Variants in ARCN1 observed in about 807,000 individuals in gnomAD.
ARCN1 encodes coatomer subunit delta.
Under a neutral mutation model 60.4 loss-of-function variants are expected in ARCN1, and 5 were observed. That is an observed-to-expected ratio of 0.08 (90% confidence interval 0.04 to 0.17). The LOEUF is 0.17. Ranked by LOEUF, ARCN1 falls within the 10% of genes least tolerant of loss-of-function variation. ARCN1 has a pLI of 1.00. For synonymous variants in ARCN1, 224 were observed against 220.0 expected, an observed-to-expected ratio of 1.02 and a Z score of -0.16; for missense variants, 464 against 626.5, an observed-to-expected ratio of 0.74 and a Z score of 2.77.
In ARCN1 at chr11:118,590,524, A is replaced by G; in HGVS notation, c.984+18A>G. ...AGCTACAGGTGTGTAGAAGCTTTTG[A>G]TAGGGAGTATTAACACTTTGTCTAC... On this transcript the variant is annotated intron_variant, in intron 6 of 9. Transcript: ENST00000264028. 6.2e-7 allele frequency: 1 copy of G among 1,612,836 alleles called. No homozygotes were observed. Among genetic ancestry groups the G allele is most frequent in the Non-Finnish European group, 8.5e-7 (1 of 1,179,266 alleles).
Position 118,601,923 on chromosome 11 carries a change from T to C in ARCN1, c.*1209T>C, listed in dbSNP as rs1591394906. The C allele has an allele frequency of 3.1e-5, 18 of 584,040 alleles. No homozygotes were observed. The East Asian group carries it at 4.8e-4, about 16-fold the overall frequency. The allele number at this position is 584,040 out of a possible 1,614,324, so 36.2% of individuals were successfully genotyped here. ...TTCTCCACATTTTGGGTACTTAAGC[T>C]AAAACGTAATGGCCACAGTCTGTAA... On this transcript the variant is annotated 3_prime_UTR_variant, in exon 10 of 10. Coordinates refer to ENST00000264028, the MANE Select transcript of ARCN1 (RefSeq NM_001655.5).
chr11:118,591,715 C>G (rs1269320109), intron 6 of ARCN1, among the ~76,000 whole-genome samples: 2 of 149,962 alleles, frequency 1.3e-5, no homozygotes, highest in African/African-American at 4.9e-5. Flanking sequence ...TTGTTTTTGT[C>G]TTGTTTTTTT....
At chr11:118,583,156 T>C (rs1555074909) in intron 2 of ARCN1, 23 bp from the exon 3 acceptor site, 1 of 1,611,324 alleles carries the variant, frequency 6.2e-7, no homozygotes, top group East Asian at 2.2e-5. Context: ...AAATCTTTCT[T>C]TTTTATTGGT....
intron 5 of ARCN1, among the ~76,000 whole-genome samples, chr11:118,585,957 G>A (rs1211603639): frequency 3.9e-5 from 6 of 152,160 alleles, no homozygotes; most frequent in African/African-American, 9.7e-5. Flanking sequence ...TCACATATTC[G>A]TGACTCAGAT....
At chr11:118,593,897 T>C in intron 8 of ARCN1, 199 bp downstream of exon 8, 1 of 416,084 alleles carries the variant, frequency 2.4e-6, no homozygotes, top group South Asian at 3.1e-5. Flanking sequence ...GGTAATACTA[T>C]TGAATAAAAA....
intron 1 of ARCN1, among the ~76,000 whole-genome samples, chr11:118,575,706 G>A (rs1270405745): frequency 1.3e-5 from 2 of 152,174 alleles, no homozygotes; most frequent in African/African-American, 4.8e-5. Flanking sequence ...AAAGGAGAAG[G>A]TGACTATAAT....
At chr11:118,584,688 C>T (rs200062933) in intron 5 of ARCN1, 44 bp downstream of exon 5, 96 of 1,466,754 alleles carry the variant, frequency 6.5e-5, no homozygotes, top group Admixed American at 6.3e-4. Context: ...TGAATACAGT[C>T]CACATAATTT....
intron 8 of ARCN1, among the ~76,000 whole-genome samples, chr11:118,594,364 T>C (rs1220521283): frequency 6.6e-6 from 1 of 151,944 alleles, no homozygotes. Context: ...CCTCCCAAAG[T>C]GCTGGGATTA....
rs1555074624 is a variant in ARCN1, at chr11:118,581,467, C to T, written c.225C>T (p.Asn75=). ...YMVLITTKNS[N]ILEDLETLRL... is the part of the protein sequence containing the mutation. The stretch of plus-strand genomic sequence containing the variant: ...TACTGATCACTACCAAAAACAGCAA[C>T]ATTTTAGAAGATTTGGAGACCCTAA... The change falls in exon 2 of 10, where the codon AAC becomes AAT. Residue 75 remains asparagine, a synonymous_variant. Coordinates refer to ENST00000264028, the MANE Select transcript of ARCN1 (RefSeq NM_001655.5). 1 of 1,614,156 alleles carries T rather than the reference C, an allele frequency of 6.2e-7. No homozygotes were observed. Among genetic ancestry groups the T allele is most frequent in the Non-Finnish European group, 8.5e-7 (1 of 1,180,030 alleles).
chr11:118,576,018 T>TA (rs1473302236), intron 1 of ARCN1, among the ~76,000 whole-genome samples: 1 of 151,956 alleles, frequency 6.6e-6, no homozygotes, highest in Non-Finnish European at 1.5e-5. Flanking sequence ...TGCTTAGACT[T>TA]ACAGAACTTT....
chr11:118,583,791 G>A lies in ARCN1; in HGVS notation c.448-18G>A, dbSNP rs1555075016. 4 of 1,608,318 alleles carry A rather than the reference G, an allele frequency of 2.5e-6. No homozygotes were observed. The highest frequency in any genetic ancestry group is 3.4e-6 in the Non-Finnish European group (4 of 1,177,428). On this transcript the variant is annotated intron_variant, in intron 3 of 9. Coordinates refer to ENST00000264028, the MANE Select transcript of ARCN1 (RefSeq NM_001655.5). ...ACCCAAAAAAAAAAGCTACATTAAT[G>A]TATGTCTTTTTCTGTAGACTCAAGA...
chr11:118,578,886 T>C (rs993313944), intron 1 of ARCN1, among the ~76,000 whole-genome samples: 916 of 79,614 alleles, frequency 0.012, 17 homozygotes, highest in African/African-American at 0.028. Context: ...TTTTTTTTTT[T>C]TTTTTTTTTT....
At chr11:118,590,289 C>G in intron 5 of ARCN1, 52 bp from the exon 6 acceptor site, 1 of 1,528,824 alleles carries the variant, frequency 6.5e-7, no homozygotes, top group Non-Finnish European at 9.0e-7. Flanking sequence ...GCCACCACGC[C>G]CGGCCATTGG....
Position 118,584,537 on chromosome 11 carries a change from C to A in ARCN1, c.711C>A (p.Asn237Lys). Residue 237 changes from asparagine to lysine, a missense_variant, in exon 5 of 10, where the codon AAC becomes AAA. Physicochemically the swap from Asn to Lys is moderately conservative, Grantham distance 94 (BLOSUM62 0). Around this residue, in one of 2 missense-constraint regions of ARCN1, gnomAD observed 359 missense variants for 440.2 expected, o/e 0.82. Transcript: ENST00000264028. ...GAGCCAAAGGAAAGGAAGTAGATAA[C>A]TTTGTGGACAAATTAAAATCTGAAG... Reference protein sequence around the residue: ...KLGAKGKEVDNFVDKLKSEGE... With the variant: ...KLGAKGKEVDKFVDKLKSEGE... The A allele has an allele frequency of 6.2e-7, 1 of 1,613,966 alleles. No homozygotes were observed. The highest frequency in any genetic ancestry group is 8.5e-7 in the Non-Finnish European group (1 of 1,179,980).
rs1057476525 is a variant in ARCN1 at position 118,572,942 on chromosome 11, C to G, written c.3+392C>G. 5.3e-5 allele frequency: 13 copies of G among 243,210 alleles called. No individual in the cohort carries two copies. The East Asian group carries it at 1.1e-3, about 20-fold the overall frequency. 15.1% of individuals were successfully genotyped at this position (243,210 alleles called of 1,614,324 possible). A position where few individuals can be genotyped will look rare whatever the true frequency, so the allele number is the denominator to read the frequency against. ...CTTAGGCTCAGCAGGCTGGGCCTGT[C>G]TCCGGAGGTTCTGGTCCTTCTGTTA... is the stretch of plus-strand genomic sequence containing the variant. On this transcript the variant is annotated intron_variant, in intron 1 of 9. Coordinates refer to ENST00000264028, the MANE Select transcript of ARCN1 (RefSeq NM_001655.5).
At chr11:118,581,965 C>CACACACACACACA (rs1938664577) in intron 2 of ARCN1, among the ~76,000 whole-genome samples, 2 of 151,590 alleles carry the variant, frequency 1.3e-5, no homozygotes, top group Non-Finnish European at 2.9e-5. Context: ...CACACACACA[C>CACACACACACACA]ACCTTTTAAG....
At chr11:118,576,171 T>G (rs1938495079) in intron 1 of ARCN1, among the ~76,000 whole-genome samples, 1 of 152,092 alleles carries the variant, frequency 6.6e-6, no homozygotes, top group Admixed American at 6.6e-5. Context: ...TTTTTTTACT[T>G]GAGGCACTTA....
chr11:118,592,949 A>G (rs1565364938), intron 7 of ARCN1, 93 bp downstream of exon 7: 5 of 1,291,166 alleles, frequency 3.9e-6, no homozygotes, highest in Admixed American at 2.3e-5. Flanking sequence ...TACCATAGCA[A>G]AGTTCTTTCT....
chr11:118,592,596 A>T lies in ARCN1; in HGVS notation c.985-113A>T, dbSNP rs1287280877. 4.3e-6 allele frequency: 3 copies of T among 695,530 alleles called. No homozygotes were observed. The African/African-American group carries it at 5.3e-5, about 12-fold the overall frequency. The allele number at this position is 695,530 out of a possible 1,614,324, so 43.1% of individuals were successfully genotyped here. On this transcript the variant is annotated intron_variant, in intron 6 of 9. Coordinates refer to ENST00000264028, the MANE Select transcript of ARCN1 (RefSeq NM_001655.5). Reference sequence around the variant, plus strand: ...TTTCTTCAAAATGAAAAAGAATTGGAATTTGTTAGGTACTCTATTTTGGAT... The same window carrying T: ...TTTCTTCAAAATGAAAAAGAATTGGTATTTGTTAGGTACTCTATTTTGGAT...
Sources: allele counts gnomAD v4.1 joint callset (sites outside exome capture counted in the v4.1 genomes callset), GRCh38; gene constraint gnomAD v4.1.1; regional missense constraint gnomAD v4.1.1; transcripts MANE v1.5; gene names NCBI Gene and HGNC (gene_info 2026-07-23, HGNC 2026-07-21).